Variants in ATRN observed in about 807,000 individuals in gnomAD.
ATRN encodes the protein attractin-2.
ATRN carries 54 observed loss-of-function variants against 178.7 expected under a neutral mutation model. The observed-to-expected ratio is 0.30, with a 90% CI of 0.24 to 0.38. The LOEUF is 0.38. Among genes scored for constraint, ATRN ranks in the 10% least tolerant of loss-of-function variants. The pLI is 1.00. For missense variants in ATRN, 1,443 were observed against 1,815.1 expected (o/e 0.79, Z 3.73); for synonymous variants, 636 against 663.0 (o/e 0.96, Z 0.63).
In ATRN at chr20:3,575,943, G is replaced by C; in HGVS notation, c.2209G>C (p.Gly737Arg). 6.2e-7 allele frequency: 1 copy of C among 1,612,758 alleles called. No individual in the cohort carries two copies. Among genetic ancestry groups the C allele is most frequent in the Non-Finnish European group, 8.5e-7 (1 of 1,179,620 alleles). ...CCCCAGGAACCACAGCTGCTCAGAA[G>C]GCCAGGTCAGAGGCTGTTTCTTAAA... ...CVPRNHSCSEGQISIFRYENC... is the reference protein window; with the variant it reads ...CVPRNHSCSERQISIFRYENC... The change falls in exon 13 of 29, where the codon GGC becomes CGC. Residue 737 changes from glycine (G) to arginine (R), a missense_variant. Gly to Arg is a moderately radical substitution (Grantham distance 125). Coordinates refer to ENST00000262919, the MANE Select transcript of ATRN (RefSeq NM_139321.3).
chr20:3,599,620 A>C (rs1415889000), intron 22 of ATRN, among the ~76,000 whole-genome samples: 2 of 152,246 alleles, frequency 1.3e-5, no homozygotes, highest in Non-Finnish European at 2.9e-5. Flanking sequence ...ATGAAAATAC[A>C]GTATTTGCAA....
Position 3,471,299 on chromosome 20 carries a change from G to A in ATRN, c.192G>A (p.Leu64=), listed in dbSNP as rs2084416551. 6.8e-7 allele frequency: 1 copy of A among 1,480,064 alleles called. No homozygotes were observed. Among genetic ancestry groups the A allele is most frequent in the African/African-American group, 1.5e-5 (1 of 68,216 alleles). 91.7% of individuals were successfully genotyped at this position (1,480,064 alleles called of 1,614,324 possible). Residue 64 remains leucine (L), a synonymous_variant, in exon 1 of 29, where the codon CTG becomes CTA. Transcript: ENST00000262919. Reference sequence around the variant, plus strand: ...CGCTGCGGCCACGGCTGCTGCTGCTGCTGTTGTTGCTCTCGCCGCCGCTGC... The same window carrying A: ...CGCTGCGGCCACGGCTGCTGCTGCTACTGTTGTTGCTCTCGCCGCCGCTGC... The part of the protein sequence containing the change: ...SPPLRPRLLL[L]LLLLSPPLLL...
intron 1 of ATRN, among the ~76,000 whole-genome samples, chr20:3,519,079 T>C (rs776803532): frequency 6.7e-6 from 1 of 150,200 alleles, no homozygotes; most frequent in Non-Finnish European, 1.5e-5. Context: ...AGAACTGGTG[T>C]ATAGCTGGCC....
chr20:3,646,699 T>G, intron 28 of ATRN, 24 bp from the exon 29 acceptor site: 3 of 1,576,648 alleles, frequency 1.9e-6, no homozygotes, highest in Non-Finnish European at 1.7e-6. Context: ...TCCCAGCATA[T>G]GTTCTCTCTG....
intron 1 of ATRN, among the ~76,000 whole-genome samples, chr20:3,521,815 G>A (rs1007061759): frequency 6.6e-6 from 1 of 152,030 alleles, no homozygotes; most frequent in African/African-American, 2.4e-5. Context: ...ACAGGGTCTC[G>A]CTTGCTCTGT....
intron 11 of ATRN, among the ~76,000 whole-genome samples, chr20:3,570,399 C>G (rs540843067): frequency 6.6e-6 from 1 of 152,274 alleles, no homozygotes; most frequent in African/African-American, 2.4e-5. Context: ...TGATCAGATT[C>G]ACTTCAGTAT....
chr20:3,537,740 C>T (rs2085559667), intron 2 of ATRN, among the ~76,000 whole-genome samples: 2 of 150,878 alleles, frequency 1.3e-5, no homozygotes, highest in Admixed American at 6.6e-5. Flanking sequence ...CTATTCCCAC[C>T]TATAAGTGAG....
chr20:3,473,268 C>G (rs1338050077), intron 1 of ATRN, among the ~76,000 whole-genome samples: 1 of 152,048 alleles, frequency 6.6e-6, no homozygotes, highest in East Asian at 1.9e-4. Context: ...AGGAGACAAA[C>G]AGAGGACTTG....
At chr20:3,596,486 T>C in intron 21 of ATRN, 57 bp downstream of exon 21, 1 of 1,504,510 alleles carries the variant, frequency 6.6e-7, no homozygotes, top group Non-Finnish European at 9.2e-7. Context: ...AAAACTTCAT[T>C]GTTTAAACGG....
intron 1 of ATRN, among the ~76,000 whole-genome samples, chr20:3,513,409 A>T (rs1198044046): frequency 6.6e-6 from 1 of 152,218 alleles, no homozygotes; most frequent in African/African-American, 2.4e-5. Flanking sequence ...GTCAAAGATC[A>T]GATAGTTGTA....
intron 1 of ATRN, among the ~76,000 whole-genome samples, chr20:3,516,819 T>C (rs557128951): frequency 6.6e-6 from 1 of 152,188 alleles, no homozygotes; most frequent in East Asian, 1.9e-4. Context: ...CATGAACTCA[T>C]CCTTTTTTAT....
intron 20 of ATRN, 150 bp downstream of exon 20, chr20:3,594,722 C>G (rs2086499957): frequency 5.5e-6 from 3 of 545,340 alleles, no homozygotes; most frequent in Non-Finnish European, 9.2e-6. Context: ...TTTGCCCATT[C>G]TATTTCAGAC....
chr20:3,636,998 A>G (rs1030359145), intron 26 of ATRN, among the ~76,000 whole-genome samples: 1 of 152,276 alleles, frequency 6.6e-6, no homozygotes, highest in Non-Finnish European at 1.5e-5. Flanking sequence ...ATCAAAAAAT[A>G]AATGAATAAC....
intron 1 of ATRN, among the ~76,000 whole-genome samples, chr20:3,492,858 C>CGCGT (rs1362796734): frequency 8.1e-5 from 10 of 122,950 alleles, no homozygotes; most frequent in African/African-American, 3.7e-4. Flanking sequence ...GAGAGAGGCG[C>CGCGT]GCGCGCGCGT....
In ATRN at chr20:3,640,355, T is replaced by G. The variant is rs529894201; in HGVS notation, c.4050+1420T>G. Among the ~76,000 whole-genome samples, 6 of 152,238 alleles carry G rather than the reference T, an allele frequency of 3.9e-5. No individual in the cohort carries two copies. The South Asian group carries it at 1.0e-3, about 26-fold the overall frequency. On this transcript the variant is annotated intron_variant, in intron 27 of 28. Coordinates refer to ENST00000262919, the MANE Select transcript of ATRN (RefSeq NM_139321.3). ...AGGAGATAGAAAGTACAATAGATAC[T>G]AAGAATATGGAGGATAGAATGAGAA...
At chr20:3,624,868 G>A (rs1029990555) in intron 25 of ATRN, among the ~76,000 whole-genome samples, 11 of 151,708 alleles carry the variant, frequency 7.3e-5, no homozygotes, top group African/African-American at 2.7e-4. Flanking sequence ...CATATGGGGA[G>A]AATTTGGGAC....
chr20:3,518,404 C>T (rs569201637), intron 1 of ATRN, among the ~76,000 whole-genome samples: 3 of 152,240 alleles, frequency 2.0e-5, no homozygotes, highest in East Asian at 1.9e-4. Flanking sequence ...AAGCCAAACA[C>T]GAAAAGACAC....
At chr20:3,520,435 A>G (rs1454832789) in intron 1 of ATRN, among the ~76,000 whole-genome samples, 3 of 152,326 alleles carry the variant, frequency 2.0e-5, no homozygotes, top group South Asian at 2.1e-4. Flanking sequence ...AACCATTGAT[A>G]AGATGGAAAA....
At chr20:3,514,833 T>C (rs1032151881) in intron 1 of ATRN, among the ~76,000 whole-genome samples, 3 of 152,098 alleles carry the variant, frequency 2.0e-5, no homozygotes, top group African/African-American at 4.8e-5. Context: ...GGTGTGTGCC[T>C]CTAGTCCCAG....
Sources: allele counts gnomAD v4.1 joint callset (sites outside exome capture counted in the v4.1 genomes callset), GRCh38; gene constraint gnomAD v4.1.1; transcripts MANE v1.5; gene names NCBI Gene and HGNC (gene_info 2026-07-23, HGNC 2026-07-21).